MKLN1: variants seen among roughly 807,000 people sequenced by gnomAD.
The protein encoded by MKLN1 is muskelin.
MKLN1 carries 18 observed loss-of-function variants against 99.0 expected under a neutral mutation model. The observed-to-expected ratio is 0.18, with a 90% CI of 0.13 to 0.27. The LOEUF (loss-of-function observed/expected upper bound fraction) is 0.27. Among genes scored for constraint, MKLN1 ranks in the 10% least tolerant of loss-of-function variants. MKLN1 has a pLI of 1.00. For synonymous variants in MKLN1, 288 were observed against 293.2 expected, an observed-to-expected ratio of 0.98 and a Z score of 0.18; for missense variants, 621 against 875.9, an observed-to-expected ratio of 0.71 and a Z score of 3.67.
intron 1 of MKLN1, among the ~76,000 whole-genome samples, chr7:131,346,808 A>T (rs948593700): frequency 1.3e-5 from 2 of 152,254 alleles, no homozygotes; most frequent in Non-Finnish European, 2.9e-5. Flanking sequence ...TATGATGAAG[A>T]TCCCACAAAA....
intron 2 of MKLN1, among the ~76,000 whole-genome samples, chr7:131,376,104 A>G (rs13245717): frequency 4.1e-3 from 1 of 246 alleles, no homozygotes. Context: ...AAATATATAT[A>G]TATATATATA....
chr7:131,434,513 T>C (rs1437734181), intron 9 of MKLN1, among the ~76,000 whole-genome samples: 1 of 152,138 alleles, frequency 6.6e-6, no homozygotes, highest in Non-Finnish European at 1.5e-5. Context: ...GAAGCAGTCA[T>C]TTTTCTTCTT....
chr7:131,388,637 A>G (rs985321582), intron 3 of MKLN1, among the ~76,000 whole-genome samples: 1 of 152,258 alleles, frequency 6.6e-6, no homozygotes, highest in Non-Finnish European at 1.5e-5. Context: ...CCGTAGCTAC[A>G]TTCTTTATAA....
rs1420028764 is a variant in MKLN1 at position 131,267,204 on chromosome 7, A to C, written c.-179+64230A>C. ...AAAAATTAGCCAGGCATAGTGGTGC[A>C]CACCTGTAGTCCCAGCTACTTGGGA... On this transcript the variant is annotated intron_variant, in intron 3 of 7. Coordinates refer to the MKLN1 transcript ENST00000416992. Among the ~76,000 whole-genome samples the C allele has an allele frequency of 2.6e-5, 4 of 152,014 alleles. No individual in the cohort carries two copies. In the East Asian group the frequency reaches 7.7e-4, roughly 29 times the overall value.
intron 3 of MKLN1, among the ~76,000 whole-genome samples, chr7:131,211,785 C>G (rs1384079296): frequency 6.6e-6 from 1 of 152,116 alleles, no homozygotes; most frequent in African/African-American, 2.4e-5. Flanking sequence ...CTAGGAGGCT[C>G]ATAAAAGATC....
Position 131,470,911 on chromosome 7 carries a change from T to C in MKLN1, c.1998T>C (p.Thr666=). 1.9e-6 allele frequency: 3 copies of C among 1,612,358 alleles called. No homozygotes were observed. Among genetic ancestry groups the C allele is most frequent in the Non-Finnish European group, 2.5e-6 (3 of 1,178,806 alleles). ...ATTTACAAAATGATCTTTATATAAC[T>C]GTGGATCATTCAGACCCAGAAGAGA... is the stretch of plus-strand genomic sequence containing the variant. The part of the protein sequence containing the change: ...LKYLQNDLYI[T]VDHSDPEETK... The change falls in exon 16 of 18, where the codon ACT becomes ACC. Residue 666 remains threonine, a synonymous_variant. Coordinates refer to ENST00000352689, the MANE Select transcript of MKLN1 (RefSeq NM_013255.5).
intron 8 of MKLN1, among the ~76,000 whole-genome samples, chr7:131,423,181 G>A (rs1229374289): frequency 6.6e-6 from 1 of 152,092 alleles, no homozygotes; most frequent in South Asian, 2.1e-4. Flanking sequence ...ATCAGAATAG[G>A]TATGAAGACT....
At chr7:131,129,384 C>G (rs1795514874) in intron 1 of MKLN1, among the ~76,000 whole-genome samples, 1 of 152,104 alleles carries the variant, frequency 6.6e-6, no homozygotes, top group African/African-American at 2.4e-5. Flanking sequence ...AAGAAAATAA[C>G]TACAGGTACT....
intron 2 of MKLN1, among the ~76,000 whole-genome samples, chr7:131,377,853 T>C (rs973829188): frequency 1.5e-4 from 23 of 152,284 alleles, no homozygotes; most frequent in African/African-American, 5.5e-4. Flanking sequence ...CATTTCAATA[T>C]GATAAGTCCT....
intron 2 of MKLN1, among the ~76,000 whole-genome samples, chr7:131,178,093 T>C (rs1257980492): frequency 6.6e-6 from 1 of 152,018 alleles, no homozygotes; most frequent in Non-Finnish European, 1.5e-5. Flanking sequence ...GCAGGCCCCA[T>C]CCACTAACTT....
chr7:131,223,717 A>C (rs373224578), intron 3 of MKLN1, among the ~76,000 whole-genome samples: 1 of 152,178 alleles, frequency 6.6e-6, no homozygotes, highest in African/African-American at 2.4e-5. Flanking sequence ...TGAGCTGATC[A>C]CTTCTGAGTT....
chr7:131,168,255 T>C (rs1796164162), intron 2 of MKLN1, among the ~76,000 whole-genome samples: 3 of 152,300 alleles, frequency 2.0e-5, no homozygotes, highest in South Asian at 2.1e-4. Flanking sequence ...CTGACATCAA[T>C]GGCTGGCCCT....
At chr7:131,452,954 A>G (rs1403202664) in intron 12 of MKLN1, among the ~76,000 whole-genome samples, 2 of 152,156 alleles carry the variant, frequency 1.3e-5, no homozygotes, top group African/African-American at 4.8e-5. Flanking sequence ...TAGTTACTGG[A>G]CTAGAAAATG....
intron 12 of MKLN1, among the ~76,000 whole-genome samples, chr7:131,451,597 C>T (rs1796179360): frequency 6.6e-6 from 1 of 152,122 alleles, no homozygotes; most frequent in Non-Finnish European, 1.5e-5. Context: ...TTTTAAACTA[C>T]AGTGTAACAA....
chr7:131,128,136 G>A (rs1795490997), intron 1 of MKLN1, among the ~76,000 whole-genome samples: 1 of 151,212 alleles, frequency 6.6e-6, no homozygotes, highest in Non-Finnish European at 1.5e-5. Context: ...CCTAGACACT[G>A]TGATGTGTCC....
chr7:131,244,880 C>G (rs1797462289), intron 3 of MKLN1, among the ~76,000 whole-genome samples: 1 of 152,096 alleles, frequency 6.6e-6, no homozygotes, highest in Non-Finnish European at 1.5e-5. Context: ...GGGCTCTGCT[C>G]TCTGTGGAAA....
At chr7:131,158,763 C>G (rs1796005495) in intron 2 of MKLN1, among the ~76,000 whole-genome samples, 1 of 152,192 alleles carries the variant, frequency 6.6e-6, no homozygotes, top group South Asian at 2.1e-4. Context: ...GTGAAAGGTG[C>G]ATCTCATTTC....
chr7:131,439,141 A>G (rs983539334), intron 10 of MKLN1, among the ~76,000 whole-genome samples: 7 of 152,128 alleles, frequency 4.6e-5, no homozygotes, highest in African/African-American at 9.7e-5. Context: ...GACACCCTCA[A>G]TGTTCTTCAC....
At chr7:131,455,076 G>T (rs192611376) in intron 12 of MKLN1, among the ~76,000 whole-genome samples, 1 of 152,268 alleles carries the variant, frequency 6.6e-6, no homozygotes, top group East Asian at 1.9e-4. Context: ...TTTTTTATTA[G>T]ATTCTGTATT....
Sources: allele counts gnomAD v4.1 joint callset (sites outside exome capture counted in the v4.1 genomes callset), GRCh38; gene constraint gnomAD v4.1.1; transcripts MANE v1.5; gene names NCBI Gene and HGNC (gene_info 2026-07-23, HGNC 2026-07-21).